ARL6IP6: variants seen among roughly 807,000 people sequenced by gnomAD.
ARL6IP6 encodes the protein ADP-ribosylation factor-like protein 6-interacting protein 6.
In ARL6IP6, 22 loss-of-function variants were observed where a neutral mutation model predicts 21.5. The ratio of observed to expected loss-of-function variants is 1.02; its 90% CI spans 0.73 to 1.46. ARL6IP6 has a LOEUF of 1.46. Among genes scored for constraint, ARL6IP6 ranks in the 40% most tolerant of loss-of-function variants. ARL6IP6 has a pLI of 0.00. For missense variants in ARL6IP6, 388 were observed against 299.8 expected, an observed-to-expected ratio of 1.29 and a Z score of -2.17; for synonymous variants, 164 against 125.3, an observed-to-expected ratio of 1.31 and a Z score of -2.06.
At chr2:152,747,024 C>T (rs1701089822) in intron 3 of ARL6IP6, among the ~76,000 whole-genome samples, 1 of 151,688 alleles carries the variant, frequency 6.6e-6, no homozygotes, top group African/African-American at 2.4e-5. Flanking sequence ...GAGATAGGGT[C>T]TCACTAAGTT....
intron 3 of ARL6IP6, among the ~76,000 whole-genome samples, chr2:152,751,879 G>A (rs976001370): frequency 2.6e-5 from 4 of 151,922 alleles, no homozygotes; most frequent in African/African-American, 9.7e-5. Flanking sequence ...TCCTTTCTTT[G>A]GGTAAATACC....
intron 3 of ARL6IP6, among the ~76,000 whole-genome samples, chr2:152,741,105 A>G (rs780622522): frequency 3.7e-4 from 57 of 152,108 alleles, no homozygotes; most frequent in Non-Finnish European, 6.0e-4. Flanking sequence ...CAGGTTATGT[A>G]TTTTATCACC....
At chr2:152,718,298 G>A (rs1361270401), upstream of ARL6IP6, 8 of 281,560 alleles carry the variant, frequency 2.8e-5, no homozygotes, top group Admixed American at 5.5e-5. Context: ...GGTGACGCGG[G>A]GGTGGCGGAG....
chr2:152,718,311 C>T, upstream of ARL6IP6: 1 of 298,624 alleles, frequency 3.3e-6, no homozygotes. Context: ...TGGCGGAGGT[C>T]TCCGGCCGGG....
chr2:152,749,314 A>AAC (rs3080693), intron 3 of ARL6IP6, among the ~76,000 whole-genome samples: 21,245 of 150,008 alleles, frequency 0.14, 1,650 homozygotes, highest in Admixed American at 0.23. Context: ...CACACACAAA[A>AAC]ACACACACAC....
Position 152,761,382 on chromosome 2 carries a change from C to T in ARL6IP6, c.*1542C>T, listed in dbSNP as rs527790885. On this transcript the variant is annotated 3_prime_UTR_variant, in exon 4 of 4. Transcript: ENST00000326446. ...CGCTTAAACTCTTCACCCTTTGACT[C>T]CAAAGAGCCCTTTCATTGCAAAGAT... is the stretch of plus-strand genomic sequence containing the variant. 2 of 152,106 alleles carry T rather than the reference C, an allele frequency of 1.3e-5. No homozygotes were observed. Among genetic ancestry groups the T allele is most frequent in the Admixed American group, 6.6e-5 (1 of 15,246 alleles). The allele number at this position is 152,106 out of a possible 1,614,324, so 9.4% of individuals were successfully genotyped here.
chr2:152,746,953 A>C (rs1701085401), intron 3 of ARL6IP6, among the ~76,000 whole-genome samples: 1 of 146,426 alleles, frequency 6.8e-6, no homozygotes, highest in Non-Finnish European at 1.5e-5. Flanking sequence ...CGCCTCCCAA[A>C]TTGCTGGGAC....
chr2:152,724,201 G>A (rs762135652), intron 2 of ARL6IP6, among the ~76,000 whole-genome samples: 1 of 151,336 alleles, frequency 6.6e-6, no homozygotes, highest in African/African-American at 2.4e-5. Flanking sequence ...TTGATTGGTT[G>A]TATTTATTAT....
chr2:152,755,350 T>A (rs1701533682), intron 3 of ARL6IP6, among the ~76,000 whole-genome samples: 1 of 151,986 alleles, frequency 6.6e-6, no homozygotes, highest in Non-Finnish European at 1.5e-5. Context: ...CTCCTCCACC[T>A]CTTGTGGAGG....
At chr2:152,741,877 C>G (rs1700826670) in intron 3 of ARL6IP6, among the ~76,000 whole-genome samples, 1 of 152,072 alleles carries the variant, frequency 6.6e-6, no homozygotes, top group Non-Finnish European at 1.5e-5. Context: ...CTATCCTTTT[C>G]TTTGTGTATT....
At position 152,760,254 on chromosome 2, in the gene ARL6IP6, ACTT is replaced by A. The variant is rs1230396583; in HGVS notation, c.*418_*420del. ...ATTTCTGTTTAGTTGAGCTAGAAATACTTCTTATTTATACATTTAGGAAAGCAA... is the reference window on the plus strand; with the variant it reads ...ATTTCTGTTTAGTTGAGCTAGAAATACTTATTTATACATTTAGGAAAGCAA... On this transcript the variant is annotated 3_prime_UTR_variant, in exon 4 of 4. Coordinates refer to ENST00000326446, the MANE Select transcript of ARL6IP6 (RefSeq NM_152522.7). 2.0e-5 allele frequency: 3 copies of A among 153,542 alleles called. No individual in the cohort carries two copies. Among genetic ancestry groups the A allele is most frequent in the Admixed American group, 2.0e-4 (3 of 15,372 alleles). The allele number at this position is 153,542 out of a possible 1,614,324, so 9.5% of individuals were successfully genotyped here.
intron 3 of ARL6IP6, among the ~76,000 whole-genome samples, chr2:152,757,861 A>G (rs1701659877): frequency 6.6e-6 from 1 of 152,212 alleles, no homozygotes. Context: ...TAAGGAAGTC[A>G]CTGAACATTT....
At chr2:152,743,571 A>G (rs553424941) in intron 3 of ARL6IP6, among the ~76,000 whole-genome samples, 3 of 152,302 alleles carry the variant, frequency 2.0e-5, no homozygotes, top group South Asian at 2.1e-4. Context: ...CGCCCCTAGC[A>G]TGTAATGATT....
At chr2:152,752,476 C>T (rs1431725917) in intron 3 of ARL6IP6, among the ~76,000 whole-genome samples, 1 of 152,164 alleles carries the variant, frequency 6.6e-6, no homozygotes, top group Non-Finnish European at 1.5e-5. Flanking sequence ...AAGAATTGAA[C>T]AAAACCCTCA....
chr2:152,755,328 G>A (rs982441845), intron 3 of ARL6IP6, among the ~76,000 whole-genome samples: 1 of 152,094 alleles, frequency 6.6e-6, no homozygotes, highest in Non-Finnish European at 1.5e-5. Context: ...GGGGAGTTTA[G>A]GGAAGACTGT....
chr2:152,748,490 T>C (rs1243985086), intron 3 of ARL6IP6, among the ~76,000 whole-genome samples: 1 of 152,222 alleles, frequency 6.6e-6, no homozygotes, highest in Non-Finnish European at 1.5e-5. Flanking sequence ...TAAAAACTTT[T>C]AGCAATTGGA....
At chr2:152,717,884 T>C, upstream of ARL6IP6, 1 of 1,030,998 alleles carries the variant, frequency 9.7e-7, no homozygotes, top group Non-Finnish European at 1.2e-6. Flanking sequence ...CCTGTAGTGT[T>C]AGCGGTGGCT....
rs556648692 is a variant in ARL6IP6 at position 152,746,756 on chromosome 2, C to T, written c.587+11630C>T. ...TTTTGAGCTGGAAGTCTGACCATGG[C>T]CTGCCACAAGTTGCCAGTTATCTTT... On this transcript the variant is annotated intron_variant, in intron 3 of 3. Transcript: ENST00000326446. Among the ~76,000 whole-genome samples, 21 of 151,400 alleles carry T rather than the reference C, an allele frequency of 1.4e-4. No individual in the cohort carries two copies. In the East Asian group the frequency reaches 3.3e-3, roughly 24 times the overall value.
At chr2:152,743,981 G>A (rs1471460986) in intron 3 of ARL6IP6, among the ~76,000 whole-genome samples, 1 of 152,094 alleles carries the variant, frequency 6.6e-6, no homozygotes, top group Non-Finnish European at 1.5e-5. Context: ...ATCTTCAGTT[G>A]ACTTCTATGC....
Sources: gnomAD v4.1 joint callset for allele counts (sites outside exome capture counted in the v4.1 genomes callset) on GRCh38, gnomAD v4.1.1 for gene constraint, MANE v1.5 for transcripts, NCBI Gene and HGNC (gene_info 2026-07-23, HGNC 2026-07-21) for gene names.